The following GALNT10 variants were observed in gnomAD, a reference collection of about 807,000 sequenced individuals.
GALNT10 encodes the protein polypeptide N-acetylgalactosaminyltransferase 10, also known as GalNAc transferase 10.
A neutral mutation model predicts 75.0 loss-of-function variants in GALNT10; 41 were observed. That is an observed-to-expected ratio of 0.55 (90% CI 0.43 to 0.71). GALNT10 has a LOEUF of 0.71. Among genes scored for constraint, GALNT10 ranks in the 30% least tolerant of loss-of-function variants. The probability of loss-of-function intolerance (pLI) is 0.00; values close to 1 mark genes in which losing one functional copy is unlikely to be tolerated. For synonymous variants in GALNT10, 302 were observed against 313.0 expected (o/e 0.96, Z 0.37); for missense variants, 727 against 818.5 (o/e 0.89, Z 1.36).
At chr5:154,207,846 G>A (rs181292395) in intron 1 of GALNT10, among the ~76,000 whole-genome samples, 1 of 152,322 alleles carries the variant, frequency 6.6e-6, no homozygotes, top group Non-Finnish European at 1.5e-5. Flanking sequence ...GCCAGGTCAT[G>A]AGCTACACTC....
At chr5:154,400,019 C>T (rs1440034814) in intron 7 of GALNT10, among the ~76,000 whole-genome samples, 2 of 152,026 alleles carry the variant, frequency 1.3e-5, no homozygotes, top group African/African-American at 2.4e-5. Context: ...ACACCTGTGG[C>T]CCCAGCTACT....
chr5:154,380,544 T>C lies in GALNT10; in HGVS notation c.851T>C (p.Met284Thr). ...TACGAGACACAGGCAGGGGATGCCA[T>C]GCGGGGAGCCTTTGACTGGGAGATG... ...FRYETQAGDA[M>T]RGAFDWEMYY... is the part of the protein sequence containing the mutation. Residue 284 changes from methionine to threonine, a missense_variant, in exon 6 of 12, where the codon ATG becomes ACG. Transcript: ENST00000297107. The C allele has an allele frequency of 6.2e-7, 1 of 1,613,918 alleles. No individual in the cohort carries two copies. Among genetic ancestry groups the C allele is most frequent in the Non-Finnish European group, 8.5e-7 (1 of 1,179,840 alleles).
At position 154,404,106 on chromosome 5, in the gene GALNT10, G is replaced by A. The variant is rs752758309; in HGVS notation, c.1059G>A (p.Val353=). The A allele has an allele frequency of 6.2e-7, 1 of 1,611,428 alleles. No homozygotes were observed. Among genetic ancestry groups the A allele is most frequent in the East Asian group, 2.2e-5 (1 of 44,888 alleles). ...GGEQYEISFK[V]WMCGGRMEDI... The stretch of plus-strand genomic sequence containing the variant: ...CTCTCTTCCTTCTTGCCATGCAGGT[G>A]TGGATGTGTGGGGGCCGCATGGAGG... Residue 353 remains valine (V), a splice_region_variant and synonymous_variant, in exon 8 of 12, where the codon GTG becomes GTA. Transcript: ENST00000297107.
rs145779730 is a variant in GALNT10, at chr5:154,283,542, G to A, written c.160-11274G>A. ...TAGGTAAGGGGCTGGGTGCTGCCCAGGAGATTCAGAGCCTTTTGTGGCCTC... is the reference window on the plus strand; with the variant it reads ...TAGGTAAGGGGCTGGGTGCTGCCCAAGAGATTCAGAGCCTTTTGTGGCCTC... On this transcript the variant is annotated intron_variant, in intron 1 of 11. Coordinates refer to ENST00000297107, the MANE Select transcript of GALNT10 (RefSeq NM_198321.4). 1.4e-3 allele frequency among the ~76,000 whole-genome samples: 215 copies of A among 152,304 alleles called. 1 individual carries two copies. Among genetic ancestry groups the A allele is most frequent in the African/African-American group, 5.0e-3 (206 of 41,554 alleles).
At chr5:154,259,747 C>T (rs188391654) in intron 1 of GALNT10, among the ~76,000 whole-genome samples, 4 of 152,214 alleles carry the variant, frequency 2.6e-5, no homozygotes, top group African/African-American at 4.8e-5. Flanking sequence ...TTGGTTGTTA[C>T]AATTCTTACA....
intron 1 of GALNT10, among the ~76,000 whole-genome samples, chr5:154,275,664 T>G (rs1390919082): frequency 6.6e-6 from 1 of 152,206 alleles, no homozygotes; most frequent in Non-Finnish European, 1.5e-5. Flanking sequence ...GATGGCTCAT[T>G]CGCATGACTG....
intron 1 of GALNT10, among the ~76,000 whole-genome samples, chr5:154,223,930 A>AC (rs1753023663): frequency 6.6e-6 from 1 of 151,524 alleles, no homozygotes; most frequent in Non-Finnish European, 1.5e-5. Flanking sequence ...AAAAAAAAAA[A>AC]CTAAAAAACT....
chr5:154,234,098 C>T (rs76906355), intron 1 of GALNT10, among the ~76,000 whole-genome samples: 2,910 of 152,318 alleles, frequency 0.019, 45 homozygotes, highest in Non-Finnish European at 0.032. Context: ...AACTTCCCCT[C>T]CTCTCTGGTG....
chr5:154,203,448 A>T (rs373683454), intron 1 of GALNT10, among the ~76,000 whole-genome samples: 9 of 152,140 alleles, frequency 5.9e-5, no homozygotes, highest in African/African-American at 1.9e-4. Flanking sequence ...GAACACCCCC[A>T]GTGATGGGGA....
intron 7 of GALNT10, among the ~76,000 whole-genome samples, chr5:154,396,296 G>A (rs1756018118): frequency 6.6e-6 from 1 of 152,188 alleles, no homozygotes; most frequent in Non-Finnish European, 1.5e-5. Flanking sequence ...AGCCCCCAGG[G>A]CAGAAAAGTG....
chr5:154,259,190 G>A (rs490905), intron 1 of GALNT10, among the ~76,000 whole-genome samples: 37,107 of 151,868 alleles, frequency 0.24, 5,508 homozygotes, highest in African/African-American at 0.42. Context: ...CCTTCAACCT[G>A]TGACATCTCC....
intron 3 of GALNT10, among the ~76,000 whole-genome samples, chr5:154,300,557 G>T (rs2113081956): frequency 6.6e-6 from 1 of 152,318 alleles, no homozygotes; most frequent in South Asian, 2.1e-4. Context: ...GAATATTTCT[G>T]CAGTGAGAGA....
intron 6 of GALNT10, among the ~76,000 whole-genome samples, chr5:154,382,251 C>A (rs552559119): frequency 2.6e-5 from 4 of 152,228 alleles, no homozygotes; most frequent in Non-Finnish European, 5.9e-5. Flanking sequence ...GTGGCCAGGA[C>A]AATGGACCAG....
chr5:154,378,941 G>A (rs1174863747), intron 5 of GALNT10, among the ~76,000 whole-genome samples: 2 of 150,416 alleles, frequency 1.3e-5, no homozygotes, highest in Non-Finnish European at 2.9e-5. Context: ...CTCTAGAGGA[G>A]ATTCTTAAGC....
intron 7 of GALNT10, among the ~76,000 whole-genome samples, chr5:154,390,585 T>G (rs908805134): frequency 2.6e-5 from 4 of 152,068 alleles, no homozygotes; most frequent in African/African-American, 4.8e-5. Flanking sequence ...AAAAGCTTCG[T>G]TTTTTTTCTT....
At chr5:154,302,842 A>G (rs545550653) in intron 3 of GALNT10, among the ~76,000 whole-genome samples, 2 of 152,328 alleles carry the variant, frequency 1.3e-5, no homozygotes, top group South Asian at 4.1e-4. Flanking sequence ...TATTACTATA[A>G]TAGTCCCGTA....
chr5:154,355,215 C>T (rs1043700141), intron 4 of GALNT10, among the ~76,000 whole-genome samples: 3 of 152,154 alleles, frequency 2.0e-5, no homozygotes, highest in South Asian at 2.1e-4. Context: ...GCACGGGGCC[C>T]CACCTTCCTG....
At chr5:154,313,408 C>T (rs1455185047) in intron 3 of GALNT10, among the ~76,000 whole-genome samples, 3 of 151,936 alleles carry the variant, frequency 2.0e-5, no homozygotes. Flanking sequence ...GAAAAGAAAG[C>T]ACAAACCAAG....
rs1756559895 is a variant in GALNT10 at position 154,418,489 on chromosome 5, T to C, written c.*1517T>C. 1 of 152,270 alleles carries C rather than the reference T, an allele frequency of 6.6e-6. No individual in the cohort carries two copies. Among genetic ancestry groups the C allele is most frequent in the African/African-American group, 2.4e-5 (1 of 41,462 alleles). The allele number at this position is 152,270 out of a possible 1,614,324, so 9.4% of individuals were successfully genotyped here. The stretch of plus-strand genomic sequence containing the variant: ...AATGGAAATCACATTCCACAATCTA[T>C]GGCTTCCACCAGCTAGCCCAGGAAA... On this transcript the variant is annotated 3_prime_UTR_variant, in exon 12 of 12. Transcript: ENST00000297107.
Sources: allele counts gnomAD v4.1 joint callset (sites outside exome capture counted in the v4.1 genomes callset), GRCh38; gene constraint gnomAD v4.1.1; transcripts MANE v1.5; gene names NCBI Gene and HGNC (gene_info 2026-07-23, HGNC 2026-07-21).